BCAS3: variants seen among roughly 807,000 people sequenced by gnomAD.
BCAS3 encodes BCAS4/BCAS3 fusion.
BCAS3 carries 53 observed loss-of-function variants against 116.1 expected under a neutral mutation model. The ratio of observed to expected loss-of-function variants is 0.46; its 90% CI spans 0.37 to 0.57. The LOEUF (loss-of-function observed/expected upper bound fraction) is 0.57, where lower values mean the gene tolerates loss of function less well. Among genes scored for constraint, BCAS3 ranks in the 20% least tolerant of loss-of-function variants. The probability of loss-of-function intolerance (pLI) is 0.00; values close to 1 mark genes in which losing one functional copy is unlikely to be tolerated. For missense variants in BCAS3, 917 were observed against 1,165.4 expected (o/e 0.79, Z 3.10); for synonymous variants, 391 against 408.2 (o/e 0.96, Z 0.51).
At position 61,208,698 on chromosome 17, in the gene BCAS3, G is replaced by T. The variant is rs1396669574; in HGVS notation, c.2425+124134G>T. The stretch of plus-strand genomic sequence containing the variant: ...CTAGAGAGAGCCTCAGACACATTTT[G>T]TTCCCAAACAGAATTAGAAGGAAAA... On this transcript the variant is annotated intron_variant, in intron 22 of 23. Transcript: ENST00000407086. This position sits in a 1 kb window ranked among gnomAD's most constrained non-coding sequence, Gnocchi z 4.5. Among the ~76,000 whole-genome samples the T allele has an allele frequency of 6.6e-6, 1 of 152,098 alleles. No individual in the cohort carries two copies. Among genetic ancestry groups the T allele is most frequent in the Non-Finnish European group, 1.5e-5 (1 of 68,022 alleles).
intron 11 of BCAS3, among the ~76,000 whole-genome samples, chr17:60,908,682 T>A (rs941603197): frequency 6.6e-6 from 1 of 152,226 alleles, no homozygotes; most frequent in African/African-American, 2.4e-5. Flanking sequence ...AACGTTGATG[T>A]GTTTTATAAT....
rs1227357490 is a variant in BCAS3, at chr17:61,380,518, A to G, written c.2594-11459A>G. On this transcript the variant is annotated intron_variant, in intron 23 of 23. Coordinates refer to ENST00000407086, the MANE Select transcript of BCAS3 (RefSeq NM_017679.5). The surrounding 1 kb of genome is among the most constrained non-coding windows in gnomAD (Gnocchi z 4.2). ...ATTTTCAATACAGACACAGCCCTTG[A>G]CGTAGCAGTAAAAACCTTCCCCCCT... 3 of 1,598,032 alleles carry G rather than the reference A, an allele frequency of 1.9e-6. No individual in the cohort carries two copies. The highest frequency in any genetic ancestry group is 3.3e-5 in the Admixed American group (2 of 60,018).
At chr17:60,984,475 G>A (rs1218826510) in intron 14 of BCAS3, among the ~76,000 whole-genome samples, 9 of 151,928 alleles carry the variant, frequency 5.9e-5, no homozygotes, top group Non-Finnish European at 1.3e-4. Context: ...TATATATACA[G>A]CTTTTTTTTA....
chr17:60,738,249 A>G (rs1027222908), intron 5 of BCAS3, among the ~76,000 whole-genome samples: 4 of 152,212 alleles, frequency 2.6e-5, no homozygotes, highest in Admixed American at 6.5e-5. Flanking sequence ...GAGTTCAACT[A>G]TGTCCTTTTG....
chr17:61,067,726 C>CAAAAAAAAAAAA (rs377228440), intron 19 of BCAS3, among the ~76,000 whole-genome samples: 2 of 108,994 alleles, frequency 1.8e-5, no homozygotes, highest in Non-Finnish European at 1.9e-5. Flanking sequence ...AACAAACAAA[C>CAAAAAAAAAAAA]AAAAAAAAAA....
chr17:61,373,729 G>GCTC (rs1555859904), intron 23 of BCAS3, among the ~76,000 whole-genome samples: 3 of 142,004 alleles, frequency 2.1e-5, no homozygotes, highest in African/African-American at 7.6e-5. Flanking sequence ...ACGATGCCCA[G>GCTC]CCCCTGTTTA....
chr17:60,785,143 G>A (rs1468742616), intron 6 of BCAS3, among the ~76,000 whole-genome samples: 1 of 152,042 alleles, frequency 6.6e-6, no homozygotes, highest in Non-Finnish European at 1.5e-5. Flanking sequence ...TTTTAACTTA[G>A]GAGTTTTTAC....
chr17:60,727,460 C>T (rs1022558030), intron 5 of BCAS3: 127 of 1,560,936 alleles, frequency 8.1e-5, no homozygotes, highest in Middle Eastern at 3.4e-4. Flanking sequence ...GAAGGTTCTT[C>T]GGGTTTTAGG....
intron 6 of BCAS3, among the ~76,000 whole-genome samples, chr17:60,791,805 G>A (rs149887726): frequency 6.6e-6 from 1 of 152,180 alleles, no homozygotes; most frequent in East Asian, 1.9e-4. Context: ...ATGTATTTAT[G>A]TATCCATGGA....
At chr17:61,080,631 A>G (rs1481728043) in intron 21 of BCAS3, among the ~76,000 whole-genome samples, 2 of 152,068 alleles carry the variant, frequency 1.3e-5, no homozygotes, top group African/African-American at 4.8e-5. Context: ...ATGGTGGTGC[A>G]CACCTGTGAT....
chr17:61,386,056 ACT>A (rs1272100493), intron 23 of BCAS3, among the ~76,000 whole-genome samples: 2 of 152,014 alleles, frequency 1.3e-5, no homozygotes, highest in East Asian at 3.9e-4. Context: ...AATAATAGTA[ACT>A]CACATTTGCT....
chr17:61,250,097 G>C (rs1341350794), intron 22 of BCAS3, among the ~76,000 whole-genome samples: 1 of 152,152 alleles, frequency 6.6e-6, no homozygotes, highest in Non-Finnish European at 1.5e-5. Flanking sequence ...GGGTTTGTCT[G>C]GTGGAAGTTT....
chr17:61,062,162 TTAAATA>T, intron 19 of BCAS3, among the ~76,000 whole-genome samples: 1 of 152,186 alleles, frequency 6.6e-6, no homozygotes, highest in Admixed American at 6.5e-5. Context: ...CAACTTTTAA[TTAAATA>T]TGAATTTTTA....
At chr17:61,232,376 TG>T (rs1312002953) in intron 22 of BCAS3, among the ~76,000 whole-genome samples, 10 of 151,632 alleles carry the variant, frequency 6.6e-5, no homozygotes, top group Non-Finnish European at 1.5e-4. Context: ...CTGATTGTAA[TG>T]TTTTATTTTG....
chr17:60,775,535 C>T (rs1410863709), intron 6 of BCAS3, among the ~76,000 whole-genome samples: 2 of 149,336 alleles, frequency 1.3e-5, no homozygotes, highest in Non-Finnish European at 2.9e-5. Flanking sequence ...CTGTACTTTG[C>T]AGTTTTTATG....
chr17:60,956,204 G>T lies in BCAS3; in HGVS notation c.1221+8852G>T, dbSNP rs529495408. Among the ~76,000 whole-genome samples the T allele has an allele frequency of 3.3e-5, 5 of 152,304 alleles. No homozygotes were observed. In the East Asian group the frequency reaches 7.7e-4, roughly 23 times the overall value. On this transcript the variant is annotated intron_variant, in intron 14 of 23. Transcript: ENST00000407086. This position sits in a 1 kb window ranked among gnomAD's most constrained non-coding sequence, Gnocchi z 4.2. ...GCACAAAATGTCCCACATTTGGCCAGTGGGAGCCCAATAACTTGGTGTCTG... is the reference window on the plus strand; with the variant it reads ...GCACAAAATGTCCCACATTTGGCCATTGGGAGCCCAATAACTTGGTGTCTG...
chr17:60,732,708 G>A (rs1237481931), intron 5 of BCAS3, among the ~76,000 whole-genome samples: 1 of 151,982 alleles, frequency 6.6e-6, no homozygotes, highest in Non-Finnish European at 1.5e-5. Context: ...GCGTGGTGGT[G>A]CGCACCTGTA....
In BCAS3 at chr17:61,215,897, C is replaced by G. The variant is rs2081755898; in HGVS notation, c.2425+131333C>G. Among the ~76,000 whole-genome samples, 1 of 152,174 alleles carries G rather than the reference C, an allele frequency of 6.6e-6. No individual in the cohort carries two copies. Among genetic ancestry groups the G allele is most frequent in the Admixed American group, 6.5e-5 (1 of 15,278 alleles). ...TCTAGTGTACAGCCAGATTTGAAAA[C>G]CTTTGTCTTAGTCAGATCTCTGTGC... On this transcript the variant is annotated intron_variant, in intron 22 of 23. Coordinates refer to ENST00000407086, the MANE Select transcript of BCAS3 (RefSeq NM_017679.5). The surrounding 1 kb of genome is among the most constrained non-coding windows in gnomAD (Gnocchi z 4.8).
chr17:61,090,090 A>C (rs2073427819), intron 22 of BCAS3, among the ~76,000 whole-genome samples: 1 of 152,186 alleles, frequency 6.6e-6, no homozygotes, highest in Non-Finnish European at 1.5e-5. Context: ...CCTTCAAGTC[A>C]TTCTCCTACC....
Sources: gnomAD v4.1 joint callset for allele counts (sites outside exome capture counted in the v4.1 genomes callset) on GRCh38, gnomAD v4.1.1 for gene constraint, Gnocchi (gnomAD v3.1) non-coding constraint, MANE v1.5 for transcripts, NCBI Gene and HGNC (gene_info 2026-07-23, HGNC 2026-07-21) for gene names.